Variants in RANBP17 observed in about 807,000 individuals in gnomAD.
RANBP17 encodes ran-binding protein 17.
In RANBP17, 158 loss-of-function variants were observed where a neutral mutation model predicts 141.2. The observed-to-expected ratio is 1.12, with a 90% CI of 0.98 to 1.28. The LOEUF (loss-of-function observed/expected upper bound fraction) is 1.28. Ranked by LOEUF, RANBP17 falls within the 50% of genes most tolerant of loss-of-function variation. RANBP17 has a pLI of 0.00. For missense variants in RANBP17, 1,438 were observed against 1,290.7 expected, an observed-to-expected ratio of 1.11 and a Z score of -1.75; for synonymous variants, 430 against 450.0, an observed-to-expected ratio of 0.96 and a Z score of 0.56.
At chr5:170,916,233 TATA>T (rs1204208525) in intron 8 of RANBP17, among the ~76,000 whole-genome samples, 1 of 27,340 alleles carries the variant, frequency 3.7e-5, no homozygotes, top group African/African-American at 9.9e-5. Flanking sequence ...TATATTGCAT[TATA>T]ATGCGTTATA....
chr5:171,236,481 C>T (rs1208855587), intron 22 of RANBP17, among the ~76,000 whole-genome samples: 3 of 152,118 alleles, frequency 2.0e-5, no homozygotes, highest in Non-Finnish European at 2.9e-5. Context: ...ATTGAAGAAA[C>T]ACAAGAGGCT....
chr5:170,956,878 T>G (rs960095273), intron 13 of RANBP17, among the ~76,000 whole-genome samples: 1 of 151,830 alleles, frequency 6.6e-6, no homozygotes, highest in African/African-American at 2.4e-5. Flanking sequence ...GAGACCATCC[T>G]GGCTAACACG....
intron 18 of RANBP17, 40 bp from the exon 19 acceptor site, chr5:171,199,630 T>C (rs1762183094): frequency 8.0e-7 from 1 of 1,245,848 alleles, no homozygotes; most frequent in South Asian, 1.2e-5. Flanking sequence ...TACAATTCTA[T>C]GCATTTTAAA....
At chr5:171,058,551 C>A (rs1221710562) in intron 14 of RANBP17, among the ~76,000 whole-genome samples, 1 of 151,646 alleles carries the variant, frequency 6.6e-6, no homozygotes, top group South Asian at 2.1e-4. Context: ...TTTCTTAATC[C>A]AGTCTATCAT....
At chr5:170,939,087 A>G (rs1450714759) in intron 12 of RANBP17, among the ~76,000 whole-genome samples, 2 of 140,502 alleles carry the variant, frequency 1.4e-5, no homozygotes, top group Admixed American at 1.5e-4. Context: ...CTCAACAGTA[A>G]AAATGGAAGC....
chr5:170,979,996 T>G (rs1370685270), intron 14 of RANBP17, among the ~76,000 whole-genome samples: 1 of 152,190 alleles, frequency 6.6e-6, no homozygotes, highest in Non-Finnish European at 1.5e-5. Context: ...AAAATGCTGA[T>G]AATTATATGG....
At chr5:171,214,968 G>C (rs1209880088) in intron 21 of RANBP17, among the ~76,000 whole-genome samples, 2 of 151,998 alleles carry the variant, frequency 1.3e-5, no homozygotes, top group Non-Finnish European at 2.9e-5. Context: ...TGCCATGGTG[G>C]TTTGCTGCAC....
intron 25 of RANBP17, among the ~76,000 whole-genome samples, chr5:171,267,609 C>G (rs1242607194): frequency 3.3e-5 from 5 of 152,040 alleles, no homozygotes; most frequent in Non-Finnish European, 1.5e-5. Context: ...GAGTTCGAGA[C>G]CAGCCTGGCC....
intron 14 of RANBP17, among the ~76,000 whole-genome samples, chr5:171,124,380 AC>A (rs1756273119): frequency 6.6e-6 from 1 of 152,132 alleles, no homozygotes; most frequent in Admixed American, 6.5e-5. Context: ...GTAACCAGAT[AC>A]CCTAATTTTG....
At chr5:171,182,899 T>G (rs1236050516) in intron 16 of RANBP17, among the ~76,000 whole-genome samples, 1 of 152,190 alleles carries the variant, frequency 6.6e-6, no homozygotes, top group African/African-American at 2.4e-5. Context: ...TATCAAGACT[T>G]TAATAGTAAA....
At chr5:170,885,437 C>T (rs1276721791) in intron 3 of RANBP17, among the ~76,000 whole-genome samples, 1 of 152,198 alleles carries the variant, frequency 6.6e-6, no homozygotes, top group South Asian at 2.1e-4. Context: ...CTGAAAAATG[C>T]AAGAGCTGTT....
intron 16 of RANBP17, among the ~76,000 whole-genome samples, chr5:171,172,263 G>A (rs1306675205): frequency 2.6e-5 from 4 of 151,616 alleles, no homozygotes; most frequent in South Asian, 2.1e-4. Context: ...GAAAATAATC[G>A]TCCTTGTCTG....
chr5:171,188,297 CTGAG>C (rs1761403379), intron 18 of RANBP17, among the ~76,000 whole-genome samples: 2 of 152,230 alleles, frequency 1.3e-5, no homozygotes, highest in Non-Finnish European at 2.9e-5. Context: ...GGAGATGTAA[CTGAG>C]TGACAGCTTT....
At position 171,089,338 on chromosome 5, in the gene RANBP17, T is replaced by A. The variant is rs1313045610; in HGVS notation, c.1711-80792T>A. ...CGTTCTCAGATCTCCAGCTGCGTGCTGGGAGAACCACTGCTCTCTTCAAAG... is the reference window on the plus strand; with the variant it reads ...CGTTCTCAGATCTCCAGCTGCGTGCAGGGAGAACCACTGCTCTCTTCAAAG... On this transcript the variant is annotated intron_variant, in intron 14 of 27. Coordinates refer to ENST00000523189, the MANE Select transcript of RANBP17 (RefSeq NM_022897.5). Among the ~76,000 whole-genome samples the A allele has an allele frequency of 2.8e-3, 403 of 143,084 alleles. 3 individuals are homozygous for A. Among genetic ancestry groups the A allele is most frequent in the African/African-American group, 1.0e-2 (389 of 39,036 alleles). The allele number at this position is 143,084 out of a possible 152,430, so 93.9% of individuals were successfully genotyped here.
At chr5:171,067,617 G>A (rs924493609) in intron 14 of RANBP17, among the ~76,000 whole-genome samples, 8 of 151,916 alleles carry the variant, frequency 5.3e-5, no homozygotes, top group Middle Eastern at 6.8e-3. Flanking sequence ...ATCTAGGAAC[G>A]TCTTAATTTT....
At chr5:170,901,256 T>TTATG (rs745785593) in intron 5 of RANBP17, among the ~76,000 whole-genome samples, 2 of 152,232 alleles carry the variant, frequency 1.3e-5, no homozygotes, top group Non-Finnish European at 1.5e-5. Flanking sequence ...CCCTTTAACA[T>TTATG]TATGTAATGC....
At chr5:171,286,451 A>G (rs1379048772) in intron 25 of RANBP17, among the ~76,000 whole-genome samples, 1 of 152,178 alleles carries the variant, frequency 6.6e-6, no homozygotes, top group Non-Finnish European at 1.5e-5. Flanking sequence ...TACTTTTATT[A>G]TAAGGCTACA....
At chr5:170,958,862 A>G (rs1322058172) in intron 13 of RANBP17, among the ~76,000 whole-genome samples, 1 of 152,234 alleles carries the variant, frequency 6.6e-6, no homozygotes, top group Non-Finnish European at 1.5e-5. Flanking sequence ...AAAGACATTT[A>G]TAGTCATTTT....
chr5:171,293,840 CTG>C, intron 25 of RANBP17, 41 bp from the exon 26 acceptor site: 1 of 1,452,804 alleles, frequency 6.9e-7, no homozygotes. Flanking sequence ...AGGGGGAACT[CTG>C]AGACAAGGCA....
Sources: allele counts gnomAD v4.1 joint callset (sites outside exome capture counted in the v4.1 genomes callset), GRCh38; gene constraint gnomAD v4.1.1; transcripts MANE v1.5; gene names NCBI Gene and HGNC (gene_info 2026-07-23, HGNC 2026-07-21).